The following NEGR1 variants were observed in gnomAD, a reference collection of about 807,000 sequenced individuals.
The protein encoded by NEGR1 is IgLON family member 4.
In NEGR1, 10 loss-of-function variants were observed where a neutral mutation model predicts 40.9. The observed-to-expected ratio is 0.24, with a 90% CI of 0.15 to 0.42. The LOEUF (loss-of-function observed/expected upper bound fraction) is 0.42, where lower values mean the gene tolerates loss of function less well. Ranked by LOEUF, NEGR1 falls within the 10% of genes least tolerant of loss-of-function variation. The pLI is 1.00. For synonymous variants in NEGR1, 185 were observed against 166.8 expected, an observed-to-expected ratio of 1.11 and a Z score of -0.84; for missense variants, 352 against 438.9, an observed-to-expected ratio of 0.80 and a Z score of 1.77.
intron 1 of NEGR1, among the ~76,000 whole-genome samples, chr1:72,242,881 T>TAG (rs1326694387): frequency 1.3e-5 from 2 of 151,576 alleles, no homozygotes; most frequent in African/African-American, 4.8e-5. Flanking sequence ...AGCATAGTGT[T>TAG]ATAGGTGCAG....
At chr1:72,038,408 C>T (rs985836544) in intron 1 of NEGR1, among the ~76,000 whole-genome samples, 3 of 152,080 alleles carry the variant, frequency 2.0e-5, no homozygotes, top group African/African-American at 7.2e-5. Context: ...TCCACCATGC[C>T]ATGATGTTTC....
chr1:71,597,458 C>CTGTGTGTGTG (rs1176723704), intron 5 of NEGR1, among the ~76,000 whole-genome samples: 5 of 65,494 alleles, frequency 7.6e-5, no homozygotes, highest in African/African-American at 2.9e-4. Context: ...CTCTCTCTCT[C>CTGTGTGTGTG]TCTCTCTCTC....
At chr1:71,672,422 C>G (rs908000684) in intron 4 of NEGR1, among the ~76,000 whole-genome samples, 2 of 152,128 alleles carry the variant, frequency 1.3e-5, no homozygotes, top group African/African-American at 4.8e-5. Context: ...CAAAGATTAT[C>G]TATTCTATTA....
At chr1:72,073,668 A>C (rs1204193078) in intron 1 of NEGR1, among the ~76,000 whole-genome samples, 1 of 152,168 alleles carries the variant, frequency 6.6e-6, no homozygotes, top group Non-Finnish European at 1.5e-5. Flanking sequence ...TACAGTGTTC[A>C]AATAAACCAG....
chr1:72,238,148 T>C (rs1426701649), intron 1 of NEGR1, among the ~76,000 whole-genome samples: 1 of 151,810 alleles, frequency 6.6e-6, no homozygotes, highest in Non-Finnish European at 1.5e-5. Flanking sequence ...ATACAACCCA[T>C]CCAGTAAGAA....
At chr1:71,672,222 C>G (rs1652460594) in intron 4 of NEGR1, among the ~76,000 whole-genome samples, 1 of 152,012 alleles carries the variant, frequency 6.6e-6, no homozygotes, top group Admixed American at 6.6e-5. Flanking sequence ...AAACCATAGA[C>G]ACAATAGTCA....
At chr1:71,466,187 C>G (rs144198177) in intron 6 of NEGR1, among the ~76,000 whole-genome samples, 331 of 152,160 alleles carry the variant, frequency 2.2e-3, no homozygotes, top group African/African-American at 7.6e-3. Flanking sequence ...TGGTGCCTGG[C>G]ACACATTATG....
At chr1:71,762,269 G>A (rs996513648) in intron 3 of NEGR1, among the ~76,000 whole-genome samples, 5 of 138,666 alleles carry the variant, frequency 3.6e-5, no homozygotes, top group African/African-American at 2.6e-5. Context: ...AAAATGAGAG[G>A]CAACAAACAG....
chr1:72,134,297 C>T (rs1266586802), intron 1 of NEGR1, among the ~76,000 whole-genome samples: 2 of 151,486 alleles, frequency 1.3e-5, no homozygotes, highest in Admixed American at 1.3e-4. Flanking sequence ...GCTCCACCTC[C>T]CGGGTTCACG....
intron 6 of NEGR1, among the ~76,000 whole-genome samples, chr1:71,583,628 C>T (rs1649208255): frequency 6.6e-6 from 1 of 152,188 alleles, no homozygotes; most frequent in Non-Finnish European, 1.5e-5. Flanking sequence ...ATATCATAAA[C>T]TAAGTGCTCC....
chr1:72,280,707 C>T (rs972437686), intron 1 of NEGR1, among the ~76,000 whole-genome samples: 1 of 152,096 alleles, frequency 6.6e-6, no homozygotes, highest in Non-Finnish European at 1.5e-5. Context: ...TTAAAAAATA[C>T]GATAGTATTC....
chr1:71,537,816 G>T (rs544633424), intron 6 of NEGR1, among the ~76,000 whole-genome samples: 1 of 151,676 alleles, frequency 6.6e-6, no homozygotes, highest in East Asian at 2.0e-4. Flanking sequence ...CTCCTGTTTT[G>T]TCATTGGAGT....
chr1:71,919,643 A>G (rs1453648330), intron 2 of NEGR1, among the ~76,000 whole-genome samples: 3 of 152,144 alleles, frequency 2.0e-5, no homozygotes, highest in African/African-American at 2.4e-5. Flanking sequence ...TTTAAAATCA[A>G]GTCTCCTTGT....
intron 6 of NEGR1, among the ~76,000 whole-genome samples, chr1:71,575,052 C>T (rs1264757911): frequency 6.6e-6 from 1 of 152,126 alleles, no homozygotes; most frequent in African/African-American, 2.4e-5. Flanking sequence ...AATAGGAGAA[C>T]GTGGATTGCT....
At chr1:71,596,477 TAC>T (rs1354997867) in intron 5 of NEGR1, among the ~76,000 whole-genome samples, 2 of 152,204 alleles carry the variant, frequency 1.3e-5, no homozygotes, top group Non-Finnish European at 2.9e-5. Context: ...TGCTGATAAC[TAC>T]AGATACTTAT....
intron 6 of NEGR1, among the ~76,000 whole-genome samples, chr1:71,479,913 A>C (rs1646843779): frequency 6.6e-6 from 1 of 151,918 alleles, no homozygotes; most frequent in Non-Finnish European, 1.5e-5. Flanking sequence ...ACAACTACAC[A>C]ATTGTTTAGC....
intron 1 of NEGR1, among the ~76,000 whole-genome samples, chr1:72,036,116 T>G (rs1209557155): frequency 1.3e-5 from 2 of 152,146 alleles, no homozygotes; most frequent in Non-Finnish European, 2.9e-5. Flanking sequence ...CAATTCACAG[T>G]TTTTAGAATT....
At chr1:71,842,465 T>G (rs566941381) in intron 2 of NEGR1, among the ~76,000 whole-genome samples, 5 of 152,324 alleles carry the variant, frequency 3.3e-5, no homozygotes, top group East Asian at 3.9e-4. Context: ...GTCTAGGATC[T>G]TAACGAAATA....
chr1:71,729,602 A>G (rs1211423928), intron 3 of NEGR1, among the ~76,000 whole-genome samples: 3 of 152,076 alleles, frequency 2.0e-5, no homozygotes, highest in Non-Finnish European at 2.9e-5. Flanking sequence ...TAAATTAACA[A>G]AACTCATTAA....
Sources: gnomAD v4.1 joint callset for allele counts (sites outside exome capture counted in the v4.1 genomes callset) on GRCh38, gnomAD v4.1.1 for gene constraint, MANE v1.5 for transcripts, NCBI Gene and HGNC (gene_info 2026-07-23, HGNC 2026-07-21) for gene names.